FAF1: variants seen among roughly 807,000 people sequenced by gnomAD.
The protein encoded by FAF1 is FAS-associated factor 1.
Under a neutral mutation model 92.5 loss-of-function variants are expected in FAF1, and 25 were observed. That is an observed-to-expected ratio of 0.27 (90% CI 0.20 to 0.38). FAF1 has a LOEUF of 0.38. Among genes scored for constraint, FAF1 ranks in the 10% least tolerant of loss-of-function variants. The pLI, the probability that FAF1 is intolerant of heterozygous loss-of-function variation, is 1.00. For missense variants in FAF1, 636 were observed against 793.3 expected, an observed-to-expected ratio of 0.80 and a Z score of 2.38; for synonymous variants, 234 against 273.2, an observed-to-expected ratio of 0.86 and a Z score of 1.42.
intron 17 of FAF1, among the ~76,000 whole-genome samples, chr1:50,478,821 G>A (rs1646667699): frequency 6.6e-6 from 1 of 152,010 alleles, no homozygotes; most frequent in African/African-American, 2.4e-5. Flanking sequence ...ATTGTATAAA[G>A]CTTTATCCTT....
chr1:50,734,522 C>T (rs192686679), intron 6 of FAF1, among the ~76,000 whole-genome samples: 70 of 152,156 alleles, frequency 4.6e-4, no homozygotes, highest in African/African-American at 1.7e-3. Context: ...ATCACGAGGT[C>T]AGGAGATTGA....
At chr1:50,739,248 GTC>G (rs1659268885) in intron 5 of FAF1, among the ~76,000 whole-genome samples, 2 of 149,550 alleles carry the variant, frequency 1.3e-5, no homozygotes, top group Non-Finnish European at 3.0e-5. Context: ...ATATATGTGT[GTC>G]TATATATGTG....
At chr1:50,897,371 C>T (rs1644765995) in intron 1 of FAF1, among the ~76,000 whole-genome samples, 1 of 152,158 alleles carries the variant, frequency 6.6e-6, no homozygotes, top group African/African-American at 2.4e-5. Context: ...TTTAAACATT[C>T]TGGAAAGACA....
intron 15 of FAF1, among the ~76,000 whole-genome samples, chr1:50,508,401 A>C (rs1647086995): frequency 6.6e-6 from 1 of 152,262 alleles, no homozygotes; most frequent in African/African-American, 2.4e-5. Context: ...ATATTATTTA[A>C]CCACAAAAAG....
At chr1:50,607,347 TTCTC>T (rs1305408590) in intron 8 of FAF1, among the ~76,000 whole-genome samples, 2 of 152,180 alleles carry the variant, frequency 1.3e-5, no homozygotes, top group Non-Finnish European at 2.9e-5. Flanking sequence ...ATCGACTTTC[TTCTC>T]TAAGTTTTAT....
chr1:50,503,813 A>T (rs1647022122), intron 15 of FAF1, among the ~76,000 whole-genome samples: 1 of 152,218 alleles, frequency 6.6e-6, no homozygotes, highest in Non-Finnish European at 1.5e-5. Flanking sequence ...TTAATTTTTA[A>T]TAAAATTCTA....
intron 7 of FAF1, among the ~76,000 whole-genome samples, chr1:50,655,905 T>C (rs1283013291): frequency 2.0e-5 from 3 of 152,148 alleles, no homozygotes; most frequent in African/African-American, 7.2e-5. Context: ...CAAAAACATA[T>C]ATTTCAAGTT....
intron 4 of FAF1, among the ~76,000 whole-genome samples, chr1:50,757,497 A>C (rs1023886015): frequency 2.0e-5 from 3 of 152,196 alleles, no homozygotes; most frequent in Non-Finnish European, 4.4e-5. Flanking sequence ...CATTATTATG[A>C]AATGTCCCCA....
intron 1 of FAF1, among the ~76,000 whole-genome samples, chr1:50,918,562 T>A (rs1644938773): frequency 2.9e-5 from 1 of 34,906 alleles, no homozygotes; most frequent in Admixed American, 3.5e-4. Flanking sequence ...ATGGTGTATA[T>A]GTGCCACATT....
chr1:50,683,520 C>T (rs1370862224), intron 7 of FAF1, among the ~76,000 whole-genome samples: 1 of 148,644 alleles, frequency 6.7e-6, no homozygotes, highest in Non-Finnish European at 1.5e-5. Context: ...GAGTGAGACC[C>T]TGTCTCATTA....
At chr1:50,761,476 A>G (rs1660324708) in intron 4 of FAF1, among the ~76,000 whole-genome samples, 1 of 152,148 alleles carries the variant, frequency 6.6e-6, no homozygotes, top group Admixed American at 6.5e-5. Flanking sequence ...AGCACATCAA[A>G]AAGCTTATCC....
intron 18 of FAF1, among the ~76,000 whole-genome samples, chr1:50,458,355 C>A (rs1165797588): frequency 6.6e-6 from 1 of 152,138 alleles, no homozygotes; most frequent in Non-Finnish European, 1.5e-5. Flanking sequence ...ACTTACTGGA[C>A]AATATTGAGA....
At chr1:50,609,939 A>C (rs953225504) in intron 8 of FAF1, among the ~76,000 whole-genome samples, 5 of 152,226 alleles carry the variant, frequency 3.3e-5, no homozygotes, top group Non-Finnish European at 5.9e-5. Context: ...TTCTATAGCC[A>C]GGAAATTTAT....
chr1:50,455,384 T>C (rs1352968704), intron 18 of FAF1, among the ~76,000 whole-genome samples: 1 of 152,244 alleles, frequency 6.6e-6, no homozygotes, highest in Non-Finnish European at 1.5e-5. Context: ...CTCAGATAAA[T>C]AAATGTGAAA....
At chr1:50,802,199 T>A (rs1037929827) in intron 2 of FAF1, among the ~76,000 whole-genome samples, 3 of 152,108 alleles carry the variant, frequency 2.0e-5, no homozygotes, top group Non-Finnish European at 4.4e-5. Flanking sequence ...CAAGCAATTC[T>A]CCTGCCTCAG....
chr1:50,871,053 G>C (rs760960396), intron 1 of FAF1, among the ~76,000 whole-genome samples: 1 of 152,210 alleles, frequency 6.6e-6, no homozygotes. Context: ...CTAATATAGA[G>C]AAAGTTTTAG....
intron 18 of FAF1, among the ~76,000 whole-genome samples, chr1:50,459,355 A>G (rs1399144461): frequency 6.6e-6 from 1 of 152,074 alleles, no homozygotes; most frequent in Non-Finnish European, 1.5e-5. Flanking sequence ...TGCCAGGGGC[A>G]TTTTCTGGTG....
intron 8 of FAF1, among the ~76,000 whole-genome samples, chr1:50,622,455 G>A: frequency 6.6e-6 from 1 of 152,074 alleles, no homozygotes; most frequent in Non-Finnish European, 1.5e-5. Flanking sequence ...AAATTATGCT[G>A]ACTTGATGAT....
intron 13 of FAF1, among the ~76,000 whole-genome samples, chr1:50,547,665 C>T (rs1055071874): frequency 1.3e-5 from 2 of 152,120 alleles, no homozygotes; most frequent in Non-Finnish European, 2.9e-5. Context: ...CCACCTGCCT[C>T]GGCCTCCCAA....
Sources: allele counts gnomAD v4.1 joint callset (sites outside exome capture counted in the v4.1 genomes callset), GRCh38; gene constraint gnomAD v4.1.1; transcripts MANE v1.5; gene names NCBI Gene and HGNC (gene_info 2026-07-23, HGNC 2026-07-21).